The following MCC variants were observed in gnomAD, a reference collection of about 807,000 sequenced individuals.
MCC encodes colorectal mutant cancer protein.
MCC carries 90 observed loss-of-function variants against 116.2 expected under a neutral mutation model. That is an observed-to-expected ratio of 0.77 (90% confidence interval 0.65 to 0.92). The LOEUF (loss-of-function observed/expected upper bound fraction) is 0.92, where lower values mean the gene tolerates loss of function less well. Among genes scored for constraint, MCC ranks in the 40% least tolerant of loss-of-function variants. The probability of loss-of-function intolerance (pLI) is 0.00; values close to 1 mark genes in which losing one functional copy is unlikely to be tolerated. For missense variants in MCC, 1,516 were observed against 1,312.2 expected (o/e 1.16, Z -2.40); for synonymous variants, 578 against 510.5 (o/e 1.13, Z -1.78).
At chr5:113,080,215 C>G (rs917174167) in intron 11 of MCC, among the ~76,000 whole-genome samples, 15 of 152,220 alleles carry the variant, frequency 9.9e-5, no homozygotes, top group Non-Finnish European at 2.1e-4. Context: ...GGACTGTAAA[C>G]TAGTTCAACC....
intron 3 of MCC, among the ~76,000 whole-genome samples, chr5:113,173,800 A>G (rs754425674): frequency 8.6e-5 from 13 of 150,624 alleles, no homozygotes; most frequent in Non-Finnish European, 1.5e-4. Context: ...TGTCTTTAAC[A>G]TCTTATTTAG....
chr5:113,391,971 A>T (rs1258188846), intron 1 of MCC, among the ~76,000 whole-genome samples: 2 of 152,216 alleles, frequency 1.3e-5, no homozygotes, highest in African/African-American at 4.8e-5. Context: ...TTCAAATTTT[A>T]AAAAACCAAA....
At chr5:113,474,935 C>G (rs1028399379) in intron 1 of MCC, among the ~76,000 whole-genome samples, 3 of 152,172 alleles carry the variant, frequency 2.0e-5, no homozygotes, top group Non-Finnish European at 4.4e-5. Flanking sequence ...GCATCAACCT[C>G]TAATGTAGAA....
intron 1 of MCC, among the ~76,000 whole-genome samples, chr5:113,409,398 C>G (rs1022448241): frequency 6.6e-6 from 1 of 152,074 alleles, no homozygotes; most frequent in Non-Finnish European, 1.5e-5. Context: ...GTTGTCCAGC[C>G]TGGAGTGCAG....
chr5:113,243,318 T>A (rs539305707), intron 3 of MCC, among the ~76,000 whole-genome samples: 6 of 152,286 alleles, frequency 3.9e-5, no homozygotes, highest in African/African-American at 1.4e-4. Context: ...AAACAATTAC[T>A]AACTCACAGG....
rs367849690 is a variant in MCC at position 113,244,120 on chromosome 5, T to G, written c.628-92698A>C. On this transcript the variant is annotated intron_variant, in intron 3 of 18. Transcript: ENST00000408903. ...TGGAAATATCAAAATTATCTAAATCTACATAATTGATTCTAATAGATCTGG... is the reference window on the plus strand; with the variant it reads ...TGGAAATATCAAAATTATCTAAATCGACATAATTGATTCTAATAGATCTGG... Among the ~76,000 whole-genome samples, 27 of 152,340 alleles carry G rather than the reference T, an allele frequency of 1.8e-4. 4 individuals are homozygous for G. The highest frequency in any genetic ancestry group is 7.2e-4 in the Admixed American group (11 of 15,308).
chr5:113,036,121 C>T (rs1414299749), intron 17 of MCC, among the ~76,000 whole-genome samples: 2 of 135,814 alleles, frequency 1.5e-5, no homozygotes, highest in Non-Finnish European at 3.1e-5. Context: ...AACACAACCT[C>T]CAACCCCTAG....
intron 3 of MCC, among the ~76,000 whole-genome samples, chr5:113,182,231 A>T (rs184591613): frequency 2.6e-5 from 4 of 152,252 alleles, no homozygotes; most frequent in South Asian, 4.1e-4. Flanking sequence ...CATTATACAG[A>T]TTCTCTTCAT....
chr5:113,170,468 T>A (rs1057355108), intron 3 of MCC, among the ~76,000 whole-genome samples: 2 of 152,144 alleles, frequency 1.3e-5, no homozygotes, highest in African/African-American at 2.4e-5. Flanking sequence ...TGTGGCGTCA[T>A]TAAAGTCCCA....
intron 3 of MCC, among the ~76,000 whole-genome samples, chr5:113,170,425 T>G (rs941125331): frequency 6.6e-6 from 1 of 152,120 alleles, no homozygotes; most frequent in East Asian, 1.9e-4. Context: ...CACAACTGCA[T>G]GAATGGTGAG....
chr5:113,035,830 G>C (rs1242893341), intron 17 of MCC, among the ~76,000 whole-genome samples: 2 of 152,010 alleles, frequency 1.3e-5, no homozygotes, highest in Non-Finnish European at 2.9e-5. Context: ...AATCTCCACA[G>C]TGACTGTATC....
intron 1 of MCC, among the ~76,000 whole-genome samples, chr5:113,472,826 T>C (rs1772129773): frequency 6.6e-6 from 1 of 152,238 alleles, no homozygotes; most frequent in Non-Finnish European, 1.5e-5. Flanking sequence ...CAGATTAACA[T>C]GGTACAGGAG....
chr5:113,125,254 C>T (rs1482671649), intron 5 of MCC, among the ~76,000 whole-genome samples: 2 of 152,070 alleles, frequency 1.3e-5, no homozygotes, highest in Non-Finnish European at 2.9e-5. Context: ...GTAAATGTTG[C>T]CAAGATCTTG....
At chr5:113,029,530 C>T (rs780741705) in intron 17 of MCC, among the ~76,000 whole-genome samples, 1 of 151,908 alleles carries the variant, frequency 6.6e-6, no homozygotes, top group Non-Finnish European at 1.5e-5. Flanking sequence ...TGCCAAAAAC[C>T]AAAAAATTGG....
intron 3 of MCC, among the ~76,000 whole-genome samples, chr5:113,280,755 C>T (rs998648329): frequency 6.6e-6 from 1 of 152,162 alleles, no homozygotes; most frequent in Middle Eastern, 3.2e-3. Flanking sequence ...TGCACAAGAC[C>T]TGTGATTCTC....
chr5:113,134,509 C>T (rs1758670787), intron 5 of MCC, among the ~76,000 whole-genome samples: 1 of 148,130 alleles, frequency 6.8e-6, no homozygotes, highest in African/African-American at 2.5e-5. Context: ...AGTGTGATCC[C>T]TCCAGCTTTG....
In MCC at chr5:113,270,808, T is replaced by A. The variant is rs940184940; in HGVS notation, c.627+69711A>T. 6.6e-5 allele frequency among the ~76,000 whole-genome samples: 10 copies of A among 151,936 alleles called. No homozygotes were observed. In the South Asian group the frequency reaches 1.5e-3, roughly 22 times the overall value. On this transcript the variant is annotated intron_variant, in intron 3 of 18. Transcript: ENST00000408903. The stretch of plus-strand genomic sequence containing the variant: ...TTCCAGGTAATTCATAGATCCGTGC[T>A]TTTTAAATCAAAGGGCCCACACACT...
At chr5:113,205,891 G>A (rs760809021) in intron 3 of MCC, among the ~76,000 whole-genome samples, 14 of 152,208 alleles carry the variant, frequency 9.2e-5, no homozygotes. Context: ...CAGCTTTGGA[G>A]GCCAGGGCAT....
chr5:113,329,890 G>A (rs1767658259), intron 3 of MCC, among the ~76,000 whole-genome samples: 1 of 152,178 alleles, frequency 6.6e-6, no homozygotes, highest in Non-Finnish European at 1.5e-5. Context: ...GAGGAAAACT[G>A]AGTGATCTAA....
Sources: gnomAD v4.1 joint callset for allele counts (sites outside exome capture counted in the v4.1 genomes callset) on GRCh38, gnomAD v4.1.1 for gene constraint, MANE v1.5 for transcripts, NCBI Gene and HGNC (gene_info 2026-07-23, HGNC 2026-07-21) for gene names.